RBFOX1: variants seen among roughly 807,000 people sequenced by gnomAD.
RBFOX1 encodes the protein RNA binding fox-1 homolog 1, also known as RNA binding protein fox-1 homolog 1.
Under a neutral mutation model 57.7 loss-of-function variants are expected in RBFOX1, and 8 were observed. The observed-to-expected ratio is 0.14, with a 90% CI of 0.08 to 0.25. The LOEUF (loss-of-function observed/expected upper bound fraction) is 0.25. RBFOX1 is among the 10% of genes least tolerant of loss of function. RBFOX1 has a pLI of 1.00. For missense variants in RBFOX1, 611 were observed against 548.5 expected, an observed-to-expected ratio of 1.11 and a Z score of -1.14; for synonymous variants, 326 against 222.4, an observed-to-expected ratio of 1.47 and a Z score of -4.15.
intron 4 of RBFOX1, among the ~76,000 whole-genome samples, chr16:7,114,142 T>C (rs1196780842): frequency 1.3e-5 from 2 of 152,186 alleles, no homozygotes; most frequent in Admixed American, 1.3e-4. Flanking sequence ...TTTTTAACTT[T>C]CAGTTGTACT....
chr16:7,690,822 A>T (rs1304839848), intron 14 of RBFOX1, among the ~76,000 whole-genome samples: 1 of 152,150 alleles, frequency 6.6e-6, no homozygotes, highest in East Asian at 1.9e-4. Flanking sequence ...GTTCAAGGTG[A>T]AACAGCTGTA....
intron 1 of RBFOX1, among the ~76,000 whole-genome samples, chr16:6,160,349 A>G (rs1399888112): frequency 6.6e-6 from 1 of 152,198 alleles, no homozygotes; most frequent in Non-Finnish European, 1.5e-5. Context: ...ATAGAGAAGC[A>G]GATTAAGATA....
Position 6,893,684 on chromosome 16 carries a change from C to T in RBFOX1, c.-15-158373C>T, listed in dbSNP as rs1035808377. Reference sequence around the variant, plus strand: ...AGAGAAGCCCAGAACTGTACTTTATCAATGTGGAAACTAAAATATCTTTTC... The same window carrying T: ...AGAGAAGCCCAGAACTGTACTTTATTAATGTGGAAACTAAAATATCTTTTC... On this transcript the variant is annotated intron_variant, in intron 3 of 15. Coordinates refer to ENST00000550418, the MANE Select transcript of RBFOX1 (RefSeq NM_018723.4). Among the ~76,000 whole-genome samples the T allele has an allele frequency of 2.0e-5, 3 of 152,160 alleles. No homozygotes were observed. In the South Asian group the frequency reaches 6.2e-4, roughly 31 times the overall value.
At chr16:6,913,520 G>C (rs374727858) in intron 3 of RBFOX1, among the ~76,000 whole-genome samples, 2 of 152,100 alleles carry the variant, frequency 1.3e-5, no homozygotes, top group Non-Finnish European at 2.9e-5. Flanking sequence ...TGCAGTGCCC[G>C]ATGCCCAGCA....
At chr16:6,234,022 G>A (rs935632944) in intron 1 of RBFOX1, among the ~76,000 whole-genome samples, 52 of 152,148 alleles carry the variant, frequency 3.4e-4, no homozygotes, top group African/African-American at 1.3e-3. Flanking sequence ...TCCTCTGGAG[G>A]GGAAGAATGC....
chr16:7,085,300 G>A (rs62014108), intron 4 of RBFOX1, among the ~76,000 whole-genome samples: 20 of 152,210 alleles, frequency 1.3e-4, no homozygotes, highest in African/African-American at 3.9e-4. Context: ...ACTCAGCACC[G>A]GCTCATGGTT....
chr16:7,374,457 C>T (rs2097646648), intron 4 of RBFOX1, among the ~76,000 whole-genome samples: 1 of 152,038 alleles, frequency 6.6e-6, no homozygotes. Context: ...GGCTTGAGTT[C>T]CAAGATATGG....
At chr16:5,303,076 G>A (rs375672570) in intron 1 of RBFOX1, among the ~76,000 whole-genome samples, 30 of 152,098 alleles carry the variant, frequency 2.0e-4, no homozygotes, top group African/African-American at 6.8e-4. Context: ...GCTTTTTTGG[G>A]GTGTTGCTTT....
At chr16:6,153,505 C>A (rs894340952) in intron 1 of RBFOX1, among the ~76,000 whole-genome samples, 3 of 152,068 alleles carry the variant, frequency 2.0e-5, no homozygotes, top group African/African-American at 7.2e-5. Context: ...CAGTCCCACT[C>A]CTTCCTCCAA....
upstream of RBFOX1, among the ~76,000 whole-genome samples, chr16:6,017,371 A>G (rs1325130802): frequency 2.0e-5 from 3 of 152,180 alleles, no homozygotes; most frequent in Admixed American, 2.0e-4. Context: ...TTTACAACCC[A>G]TCTCATCTCC....
At chr16:6,772,217 C>T (rs2078409917) in intron 3 of RBFOX1, among the ~76,000 whole-genome samples, 1 of 151,952 alleles carries the variant, frequency 6.6e-6, no homozygotes. Flanking sequence ...TAGAAGTGGG[C>T]TAGTGGGGAG....
intron 3 of RBFOX1, among the ~76,000 whole-genome samples, chr16:6,667,327 A>T (rs1459332843): frequency 6.6e-6 from 1 of 152,030 alleles, no homozygotes; most frequent in East Asian, 1.9e-4. Flanking sequence ...ACCTTCAGTC[A>T]CCCTTGAAGC....
chr16:6,699,461 C>A (rs553297131), intron 3 of RBFOX1, among the ~76,000 whole-genome samples: 1 of 152,262 alleles, frequency 6.6e-6, no homozygotes, highest in African/African-American at 2.4e-5. Context: ...AAAAGCCAAG[C>A]CATTTTGACA....
At chr16:6,104,364 A>G (rs1342518006) in intron 1 of RBFOX1, among the ~76,000 whole-genome samples, 7 of 152,222 alleles carry the variant, frequency 4.6e-5, no homozygotes, top group African/African-American at 2.4e-5. Flanking sequence ...ACCTTCTTCC[A>G]AGAGTCAAGT....
intron 4 of RBFOX1, among the ~76,000 whole-genome samples, chr16:7,190,132 G>A (rs1354686693): frequency 4.6e-5 from 7 of 152,130 alleles, no homozygotes; most frequent in East Asian, 1.9e-4. Flanking sequence ...AGGCCAAGGC[G>A]GGCAGATTGT....
At chr16:6,477,485 C>CT (rs2095291997) in intron 2 of RBFOX1, among the ~76,000 whole-genome samples, 1 of 152,124 alleles carries the variant, frequency 6.6e-6, no homozygotes, top group Admixed American at 6.5e-5. Flanking sequence ...TAAAGGAATC[C>CT]TTTTTTCTGA....
At chr16:5,881,196 C>G (rs2151917666) in intron 4 of RBFOX1, among the ~76,000 whole-genome samples, 1 of 152,292 alleles carries the variant, frequency 6.6e-6, no homozygotes, top group Admixed American at 6.5e-5. Context: ...TCCATCTTGG[C>G]CCTGAACTGT....
intron 3 of RBFOX1, among the ~76,000 whole-genome samples, chr16:7,029,517 A>C (rs1400849603): frequency 6.6e-6 from 1 of 151,922 alleles, no homozygotes; most frequent in Non-Finnish European, 1.5e-5. Context: ...GAATGAAGAG[A>C]GTGCTAGCTC....
At chr16:6,907,030 A>G (rs2070183014) in intron 3 of RBFOX1, among the ~76,000 whole-genome samples, 1 of 151,774 alleles carries the variant, frequency 6.6e-6, no homozygotes, top group African/African-American at 2.4e-5. Flanking sequence ...AGCTTGCAGA[A>G]CTAAATTTAA....
Sources: allele counts gnomAD v4.1 joint callset (sites outside exome capture counted in the v4.1 genomes callset), GRCh38; gene constraint gnomAD v4.1.1; transcripts MANE v1.5; gene names NCBI Gene and HGNC (gene_info 2026-07-23, HGNC 2026-07-21).